Variants in MIDEAS observed in about 807,000 individuals in gnomAD.
The protein encoded by MIDEAS is mitotic deacetylase associated SANT domain protein, also known as mitotic deacetylase-associated SANT domain protein.
A neutral mutation model predicts 102.7 loss-of-function variants in MIDEAS; 26 were observed. The observed-to-expected ratio is 0.25, with a 90% CI of 0.19 to 0.35. The LOEUF is 0.35. Among genes scored for constraint, MIDEAS ranks in the 10% least tolerant of loss-of-function variants. The pLI is 1.00. For missense variants in MIDEAS, 1,231 were observed against 1,435.6 expected, an observed-to-expected ratio of 0.86 and a Z score of 2.30; for synonymous variants, 585 against 591.0, an observed-to-expected ratio of 0.99 and a Z score of 0.15.
At chr14:73,723,087 T>G in intron 9 of MIDEAS, 1 of 376,942 alleles carries the variant, frequency 2.7e-6, no homozygotes. Flanking sequence ...TAAAGGACAA[T>G]GTCGGAACCA....
At chr14:73,747,849 T>C (rs1454388057) in intron 1 of MIDEAS, among the ~76,000 whole-genome samples, 3 of 152,144 alleles carry the variant, frequency 2.0e-5, no homozygotes, top group Admixed American at 2.0e-4. Context: ...CCAAAGGCAC[T>C]ACCTGTCAGA....
chr14:73,727,305 G>A (rs1298925619), intron 5 of MIDEAS, 153 bp downstream of exon 5: 9 of 800,726 alleles, frequency 1.1e-5, no homozygotes, highest in Non-Finnish European at 1.6e-5. Context: ...GGCGGGGACA[G>A]CAAAGCCCAG....
chr14:73,786,773 T>G (rs2053814119), intron 1 of MIDEAS, among the ~76,000 whole-genome samples: 1 of 152,124 alleles, frequency 6.6e-6, no homozygotes, highest in Non-Finnish European at 1.5e-5. Context: ...CCTGCAGGGA[T>G]GGAGGCGCTG....
chr14:73,742,394 C>A lies in MIDEAS; in HGVS notation c.-247-2139G>T, dbSNP rs11624425. ...GTGTGAACCTGATGGAGGGGTGCGCCCCCTCCATGGGGATGGCTGCTCAGA... is the reference window on the plus strand; with the variant it reads ...GTGTGAACCTGATGGAGGGGTGCGCACCCTCCATGGGGATGGCTGCTCAGA... On this transcript the variant is annotated intron_variant, in intron 1 of 12. Transcript: ENST00000423556. The surrounding 1 kb of genome is among the most constrained non-coding windows in gnomAD (Gnocchi z 4.4). Among the ~76,000 whole-genome samples, 1 of 152,138 alleles carries A rather than the reference C, an allele frequency of 6.6e-6. No individual in the cohort carries two copies. Among genetic ancestry groups the A allele is most frequent in the African/African-American group, 2.4e-5 (1 of 41,424 alleles).
At chr14:73,776,698 T>C (rs2053691786) in intron 1 of MIDEAS, among the ~76,000 whole-genome samples, 1 of 151,938 alleles carries the variant, frequency 6.6e-6, no homozygotes, top group Admixed American at 6.6e-5. Context: ...CTCCCCTGGT[T>C]TCAGGCACCT....
intron 1 of MIDEAS, among the ~76,000 whole-genome samples, chr14:73,771,091 G>A (rs1321682234): frequency 6.6e-6 from 1 of 152,040 alleles, no homozygotes; most frequent in Non-Finnish European, 1.5e-5. Flanking sequence ...ACTTGCCATG[G>A]AACACATGAA....
chr14:73,763,090 C>T (rs1025156595), upstream of MIDEAS, among the ~76,000 whole-genome samples: 4 of 152,118 alleles, frequency 2.6e-5, no homozygotes, highest in Non-Finnish European at 5.9e-5. Flanking sequence ...AACCCCAGAA[C>T]TTTAGAAGGC....
At chr14:73,733,943 T>C (rs916728049) in intron 3 of MIDEAS, among the ~76,000 whole-genome samples, 3 of 151,296 alleles carry the variant, frequency 2.0e-5, no homozygotes, top group African/African-American at 7.3e-5. Flanking sequence ...TCCACCCGCC[T>C]TGGCCTTCCA....
In MIDEAS at chr14:73,729,594, T is replaced by G. The variant is rs755512978; in HGVS notation, c.2095+46A>C. The G allele has an allele frequency of 2.7e-6, 4 of 1,501,774 alleles. No homozygotes were observed. The Admixed American group carries it at 5.4e-5, about 20-fold the overall frequency. 93.0% of individuals were successfully genotyped at this position (1,501,774 alleles called of 1,614,324 possible). On this transcript the variant is annotated intron_variant, in intron 4 of 12. Transcript: ENST00000423556. Reference sequence around the variant, plus strand: ...CAGGCTGAGATGCCTCCCTGCCCAGTGCCCCAGCCCCGCTCCTGCCAGGGT... The same window carrying G: ...CAGGCTGAGATGCCTCCCTGCCCAGGGCCCCAGCCCCGCTCCTGCCAGGGT...
At chr14:73,761,380 T>G (rs1011176625), upstream of MIDEAS, among the ~76,000 whole-genome samples, 18 of 152,162 alleles carry the variant, frequency 1.2e-4, no homozygotes, top group Non-Finnish European at 4.4e-5. Context: ...CTGCCAAACC[T>G]GCACTTGCTT....
At chr14:73,784,741 A>C (rs1460481418) in intron 1 of MIDEAS, among the ~76,000 whole-genome samples, 1 of 152,198 alleles carries the variant, frequency 6.6e-6, no homozygotes, top group Non-Finnish European at 1.5e-5. Flanking sequence ...AGGGTTGTGC[A>C]ACCTGTGGTG....
At chr14:73,726,749 G>T in intron 6 of MIDEAS, 42 bp from the exon 7 acceptor site, 2 of 1,613,092 alleles carry the variant, frequency 1.2e-6, no homozygotes, top group African/African-American at 2.7e-5. Context: ...AGGAAACCAC[G>T]TTCAGGGCGG....
chr14:73,726,567 C>G (rs1456708677), intron 7 of MIDEAS, 37 bp downstream of exon 7: 1 of 1,600,532 alleles, frequency 6.2e-7, no homozygotes, highest in African/African-American at 1.3e-5. Context: ...CCAGCCCCCA[C>G]TGAGGGGCCC....
intron 9 of MIDEAS, chr14:73,724,633 A>G (rs2053037314): frequency 6.5e-6 from 1 of 154,976 alleles, no homozygotes; most frequent in South Asian, 2.0e-4. Flanking sequence ...TACAATCCCA[A>G]GAGGAAAGGG....
At chr14:73,769,821 C>T (rs1214646785) in intron 1 of MIDEAS, among the ~76,000 whole-genome samples, 1 of 151,410 alleles carries the variant, frequency 6.6e-6, no homozygotes, top group African/African-American at 2.4e-5. Flanking sequence ...AGGCTGGTCT[C>T]AAACTCCTGA....
Position 73,717,372 on chromosome 14 carries a change from A to C in MIDEAS, c.*1471T>G, listed in dbSNP as rs1384665126. On this transcript the variant is annotated 3_prime_UTR_variant, in exon 13 of 13. Coordinates refer to ENST00000423556, the MANE Select transcript of MIDEAS (RefSeq NM_001367710.1). ...TGGCCCTTTCACTTCACCCATGCCA[A>C]ATATGGCTTCTTCAAGCCAGAATCC... 2.6e-5 allele frequency: 4 copies of C among 152,196 alleles called. No homozygotes were observed. The highest frequency in any genetic ancestry group is 5.9e-5 in the Non-Finnish European group (4 of 68,022). The allele number at this position is 152,196 out of a possible 1,614,324, so 9.4% of individuals were successfully genotyped here. A position where few individuals can be genotyped will look rare whatever the true frequency, so the allele number is the denominator to read the frequency against.
upstream of MIDEAS, among the ~76,000 whole-genome samples, chr14:73,763,748 C>T (rs1430124792): frequency 6.6e-6 from 1 of 152,052 alleles, no homozygotes; most frequent in Non-Finnish European, 1.5e-5. Flanking sequence ...CCTCCAGGAC[C>T]TCATTACCTA....
At chr14:73,773,369 G>A (rs1595298320) in intron 1 of MIDEAS, among the ~76,000 whole-genome samples, 1 of 151,984 alleles carries the variant, frequency 6.6e-6, no homozygotes, top group South Asian at 2.1e-4. Flanking sequence ...GGAGGACAGA[G>A]AGGTGTGGGT....
chr14:73,776,550 T>C (rs1184503967), intron 1 of MIDEAS, among the ~76,000 whole-genome samples: 3 of 140,656 alleles, frequency 2.1e-5, no homozygotes, highest in Non-Finnish European at 4.6e-5. Flanking sequence ...AAAAAAAAGA[T>C]GTGGATGTTT....
Sources: allele counts gnomAD v4.1 joint callset (sites outside exome capture counted in the v4.1 genomes callset), GRCh38; gene constraint gnomAD v4.1.1; non-coding constraint Gnocchi (gnomAD v3.1); transcripts MANE v1.5; gene names NCBI Gene and HGNC (gene_info 2026-07-23, HGNC 2026-07-21).